Variants in PPP1CB observed in about 807,000 individuals in gnomAD.
PPP1CB encodes the protein protein phosphatase 1 catalytic subunit beta.
In PPP1CB, 2 loss-of-function variants were observed where a neutral mutation model predicts 43.7. The observed-to-expected ratio is 0.05, with a 90% CI of 0.02 to 0.14. The LOEUF (loss-of-function observed/expected upper bound fraction) is 0.14. Among genes scored for constraint, PPP1CB ranks in the 10% least tolerant of loss-of-function variants. The probability of loss-of-function intolerance (pLI) is 1.00; values close to 1 mark genes in which losing one functional copy is unlikely to be tolerated. For synonymous variants in PPP1CB, 136 were observed against 135.6 expected (o/e 1.00, Z -0.02); for missense variants, 84 against 398.0 (o/e 0.21, Z 6.71).
At chr2:28,793,460 A>G (rs978384118) in intron 6 of PPP1CB, among the ~76,000 whole-genome samples, 1 of 152,222 alleles carries the variant, frequency 6.6e-6, no homozygotes, top group African/African-American at 2.4e-5. Context: ...TCATCAAAGT[A>G]ATAATTGATG....
chr2:28,789,500 C>T (rs1228086507), intron 6 of PPP1CB, among the ~76,000 whole-genome samples: 1 of 151,562 alleles, frequency 6.6e-6, no homozygotes, highest in East Asian at 1.9e-4. Context: ...AAGAGCTAGA[C>T]CCAGTCTCAA....
intron 1 of PPP1CB, among the ~76,000 whole-genome samples, chr2:28,764,013 T>C (rs1345341674): frequency 6.6e-6 from 1 of 151,982 alleles, no homozygotes; most frequent in Non-Finnish European, 1.5e-5. Flanking sequence ...CATTAATTAT[T>C]GTTAACAGGC....
At chr2:28,793,095 A>G (rs557337553) in intron 6 of PPP1CB, among the ~76,000 whole-genome samples, 9 of 152,218 alleles carry the variant, frequency 5.9e-5, no homozygotes, top group South Asian at 4.1e-4. Flanking sequence ...AGTCCCAGCT[A>G]TTTGGGAGGC....
intron 1 of PPP1CB, among the ~76,000 whole-genome samples, chr2:28,753,434 C>A (rs1339843715): frequency 6.6e-6 from 1 of 152,174 alleles, no homozygotes; most frequent in Non-Finnish European, 1.5e-5. Flanking sequence ...TGTATTTGCT[C>A]CAGATGTGAA....
At chr2:28,787,375 C>T (rs1014792018) in intron 5 of PPP1CB, among the ~76,000 whole-genome samples, 6 of 152,152 alleles carry the variant, frequency 3.9e-5, no homozygotes, top group Non-Finnish European at 5.9e-5. Flanking sequence ...AGGAGAATGG[C>T]GTGAACCCGG....
intron 1 of PPP1CB, among the ~76,000 whole-genome samples, chr2:28,763,327 C>G (rs895203897): frequency 6.6e-6 from 1 of 152,100 alleles, no homozygotes; most frequent in African/African-American, 2.4e-5. Context: ...ATGTGTGTTG[C>G]AATGAACAAC....
At chr2:28,753,443 A>AT (rs2148451732) in intron 1 of PPP1CB, among the ~76,000 whole-genome samples, 1 of 152,318 alleles carries the variant, frequency 6.6e-6, no homozygotes, top group East Asian at 1.9e-4. Flanking sequence ...TCCAGATGTG[A>AT]AAGCCATCCA....
Position 28,799,431 on chromosome 2 carries a change from C to A in PPP1CB, c.*128C>A. The stretch of plus-strand genomic sequence containing the variant: ...ATGTCACACCTTTAACTTAAGGAGA[C>A]GGGTAAAGGATCTTAAATTTTTTTC... On this transcript the variant is annotated 3_prime_UTR_variant, in exon 8 of 8. Transcript: ENST00000395366. The A allele has an allele frequency of 1.5e-6, 1 of 656,616 alleles. No individual in the cohort carries two copies. The highest frequency in any genetic ancestry group is 2.5e-6 in the Non-Finnish European group (1 of 396,882). 40.7% of individuals were successfully genotyped at this position (656,616 alleles called of 1,614,324 possible).
intron 1 of PPP1CB, among the ~76,000 whole-genome samples, chr2:28,757,581 G>A (rs902195369): frequency 2.6e-5 from 4 of 152,324 alleles, no homozygotes; most frequent in Admixed American, 6.5e-5. Flanking sequence ...GGTGTTTTGT[G>A]TGGATGTGCA....
chr2:28,798,499 A>G (rs1667541958), intron 7 of PPP1CB, among the ~76,000 whole-genome samples: 1 of 152,158 alleles, frequency 6.6e-6, no homozygotes, highest in South Asian at 2.1e-4. Flanking sequence ...TGGACTGTAC[A>G]ATGTACAACT....
In PPP1CB at chr2:28,801,499, T is replaced by G. The variant is rs553567015; in HGVS notation, c.*2196T>G. 6.6e-6 allele frequency: 1 copy of G among 152,138 alleles called. No homozygotes were observed. The highest frequency in any genetic ancestry group is 1.5e-5 in the Non-Finnish European group (1 of 67,924). The allele number at this position is 152,138 out of a possible 1,614,324, so 9.4% of individuals were successfully genotyped here. A position where few individuals can be genotyped will look rare whatever the true frequency, so the allele number is the denominator to read the frequency against. ...TACTTAAGCTAATTAATATTGGTCA[T>G]TAAATTTAAAGGATGGAAATTTATC... On this transcript the variant is annotated 3_prime_UTR_variant, in exon 8 of 8. Transcript: ENST00000395366.
rs1325057172 is a variant in PPP1CB at position 28,752,099 on chromosome 2, T to C, written c.-26T>C. On this transcript the variant is annotated 5_prime_UTR_variant, in exon 1 of 8. Coordinates refer to ENST00000395366, the MANE Select transcript of PPP1CB (RefSeq NM_002709.3). ...GCCGAGAAGCCCTTGTTCCCGCTGC[T>C]GGGAAGGAGAGTCTGTGCCGACAAG... 1.3e-6 allele frequency: 2 copies of C among 1,549,170 alleles called. 1 individual carries two copies. Among genetic ancestry groups the C allele is most frequent in the South Asian group, 2.4e-5 (2 of 83,996 alleles).
intron 2 of PPP1CB, among the ~76,000 whole-genome samples, chr2:28,778,009 A>T (rs900913480): frequency 6.6e-6 from 1 of 152,200 alleles, no homozygotes; most frequent in Admixed American, 6.5e-5. Context: ...TTCAAGTAAG[A>T]GGTAGTAGTT....
intron 3 of PPP1CB, among the ~76,000 whole-genome samples, chr2:28,779,606 A>C (rs1453117324): frequency 6.6e-6 from 1 of 152,194 alleles, no homozygotes; most frequent in Non-Finnish European, 1.5e-5. Context: ...AAAATACCCT[A>C]CTAGGTTCAA....
intron 6 of PPP1CB, 136 bp from the exon 7 acceptor site, chr2:28,793,727 C>T: frequency 1.2e-6 from 1 of 860,098 alleles, no homozygotes; most frequent in Non-Finnish European, 1.7e-6. Flanking sequence ...GAATAAAAAT[C>T]ACAACTTCCA....
intron 1 of PPP1CB, among the ~76,000 whole-genome samples, chr2:28,752,829 A>T (rs1666357151): frequency 6.6e-6 from 1 of 152,248 alleles, no homozygotes; most frequent in African/African-American, 2.4e-5. Context: ...TGCACCTAAG[A>T]AATGTGATGT....
chr2:28,781,161 A>G (rs1393244975), intron 3 of PPP1CB, among the ~76,000 whole-genome samples: 1 of 152,194 alleles, frequency 6.6e-6, no homozygotes, highest in African/African-American at 2.4e-5. Flanking sequence ...GATGTATTTC[A>G]TAAAACACCT....
chr2:28,764,080 G>T (rs574635780), intron 1 of PPP1CB, among the ~76,000 whole-genome samples: 1 of 151,960 alleles, frequency 6.6e-6, no homozygotes, highest in African/African-American at 2.4e-5. Context: ...ACTTAAAACC[G>T]TGTGTGTGTT....
chr2:28,764,558 T>C (rs979518428), intron 1 of PPP1CB, among the ~76,000 whole-genome samples: 1 of 152,070 alleles, frequency 6.6e-6, no homozygotes, highest in Non-Finnish European at 1.5e-5. Flanking sequence ...GTGCTAAATA[T>C]GGAGAAAATG....
Sources: allele counts gnomAD v4.1 joint callset (sites outside exome capture counted in the v4.1 genomes callset), GRCh38; gene constraint gnomAD v4.1.1; transcripts MANE v1.5; gene names NCBI Gene and HGNC (gene_info 2026-07-23, HGNC 2026-07-21).